The following PDE11A variants were observed in gnomAD, a reference collection of about 807,000 sequenced individuals.
PDE11A encodes phosphodiesterase 11A.
PDE11A carries 100 observed loss-of-function variants against 100.5 expected under a neutral mutation model. That is an observed-to-expected ratio of 1.00 (90% CI 0.85 to 1.18). The LOEUF (loss-of-function observed/expected upper bound fraction) is 1.18, where lower values mean the gene tolerates loss of function less well. Among genes scored for constraint, PDE11A ranks in the 50% most tolerant of loss-of-function variants. PDE11A has a pLI of 0.00. For missense variants in PDE11A, 1,141 were observed against 1,152.6 expected (o/e 0.99, Z 0.15); for synonymous variants, 381 against 420.8 (o/e 0.91, Z 1.16).
chr2:177,673,510 C>T (rs932954453), intron 17 of PDE11A, among the ~76,000 whole-genome samples: 2 of 152,226 alleles, frequency 1.3e-5, no homozygotes, highest in South Asian at 2.1e-4. Flanking sequence ...CTTCCCTTTC[C>T]GAATGGGAGT....
rs549731107 is a variant in PDE11A at position 177,711,835 on chromosome 2, G to A, written c.2087C>T (p.Ala696Val). 1.9e-5 allele frequency: 31 copies of A among 1,612,626 alleles called. No individual in the cohort carries two copies. The highest frequency in any genetic ancestry group is 6.7e-5 in the African/African-American group (5 of 74,884). ...QDILTEVEIL[A>V]VIVGCLCHDL... ...ATGACACAGGCATCCCACAATCACC[G>A]CTAAAATTTCCACCTCGGTCAGAAT... The change falls in exon 13 of 20, where the codon GCG (alanine) becomes GTG (valine). Residue 696 changes from alanine to valine, a missense_variant. By Grantham distance (64) the Ala-to-Val change is moderately conservative. Coordinates refer to ENST00000286063, the MANE Select transcript of PDE11A (RefSeq NM_016953.4).
At chr2:177,750,273 A>T (rs1393981811) in intron 10 of PDE11A, among the ~76,000 whole-genome samples, 2 of 152,228 alleles carry the variant, frequency 1.3e-5, no homozygotes, top group Admixed American at 1.3e-4. Flanking sequence ...AACTCAAAAC[A>T]GCAACAAATT....
At chr2:177,749,367 G>T (rs927390734) in intron 10 of PDE11A, among the ~76,000 whole-genome samples, 1 of 152,142 alleles carries the variant, frequency 6.6e-6, no homozygotes, top group South Asian at 2.1e-4. Flanking sequence ...ATGAGCCACT[G>T]TAGGAGCTAA....
At chr2:177,701,775 A>C (rs2081200894) in intron 13 of PDE11A, among the ~76,000 whole-genome samples, 1 of 152,204 alleles carries the variant, frequency 6.6e-6, no homozygotes, top group Non-Finnish European at 1.5e-5. Context: ...TCTACTCTAC[A>C]TGAAAGGCTG....
rs777971390 is a variant in PDE11A, at chr2:177,727,670, G to A, written c.2031C>T (p.Phe677=). The stretch of plus-strand genomic sequence containing the variant: ...TAAGCACACTTACGGTTAACATCGC[G>A]AACATCAGCTGACACACGTTGAAGG... ...RHAFNVCQLM[F]AMLTTAGFQD... is the part of the protein sequence containing the mutation. The change falls in exon 12 of 20, where the codon TTC becomes TTT. Residue 677 remains phenylalanine (F), a synonymous_variant. Coordinates refer to ENST00000286063, the MANE Select transcript of PDE11A (RefSeq NM_016953.4). 3.8e-6 allele frequency: 6 copies of A among 1,591,338 alleles called. No individual in the cohort carries two copies. In the African/African-American group the frequency reaches 4.0e-5, roughly 11 times the overall value.
At chr2:177,680,932 G>GAA (rs11304036) in intron 15 of PDE11A, 29 bp from the exon 16 acceptor site, 80 of 1,108,690 alleles carry the variant, frequency 7.2e-5, no homozygotes, top group Middle Eastern at 2.1e-4. Context: ...AAGAAAGAAA[G>GAA]AAAAAAAAAA....
chr2:178,101,445 A>G (rs1470125327), intron 2 of PDE11A, among the ~76,000 whole-genome samples: 2 of 152,194 alleles, frequency 1.3e-5, no homozygotes, highest in Admixed American at 6.5e-5. Context: ...GAAAGTGTCT[A>G]AAGTTTTTAA....
At chr2:178,105,858 C>CA (rs35828567) in intron 1 of PDE11A, 1,475 of 268,822 alleles carry the variant, frequency 5.5e-3, no homozygotes, top group Middle Eastern at 0.013. Context: ...GGTTTCTGTC[C>CA]AAAAAAAAAA....
intron 4 of PDE11A, among the ~76,000 whole-genome samples, chr2:177,878,354 C>A (rs933433773): frequency 1.3e-5 from 2 of 152,136 alleles, no homozygotes; most frequent in Admixed American, 1.3e-4. Flanking sequence ...CGGTGGGCTT[C>A]TGAAAGCTTC....
At chr2:177,819,714 T>C (rs1288248062) in intron 7 of PDE11A, among the ~76,000 whole-genome samples, 1 of 152,014 alleles carries the variant, frequency 6.6e-6, no homozygotes, top group Non-Finnish European at 1.5e-5. Context: ...ATTTCTTCCT[T>C]TGCCTTTACA....
chr2:177,840,730 C>G (rs2083478307), intron 5 of PDE11A, among the ~76,000 whole-genome samples: 1 of 152,106 alleles, frequency 6.6e-6, no homozygotes, highest in Non-Finnish European at 1.5e-5. Flanking sequence ...CCAGCTTGCC[C>G]TTTTTAATTG....
Position 177,728,049 on chromosome 2 carries a change from G to A in PDE11A, c.1912C>T (p.Gln638Ter), listed in dbSNP as rs777469299. ...ACCTCATAGTCAATTTTAAATTTCTGTACCATCCCCAGCTCCATGAACATC... is the reference window on the plus strand; with the variant it reads ...ACCTCATAGTCAATTTTAAATTTCTATACCATCCCCAGCTCCATGAACATC... Reference protein sequence around the residue: ...LRMFMELGMVQKFKIDYETLC... With the variant: ...LRMFMELGMV Residue 638 changes from glutamine (Q) to a stop codon, truncating the protein, a stop_gained, in exon 11 of 20, where the codon CAG becomes TAG. Coordinates refer to ENST00000286063, the MANE Select transcript of PDE11A (RefSeq NM_016953.4). LOFTEE classifies it high-confidence loss of function. 3.7e-6 allele frequency: 6 copies of A among 1,613,236 alleles called. No individual in the cohort carries two copies. The Admixed American group carries it at 1.0e-4, about 27-fold the overall frequency.
chr2:177,972,820 C>T (rs1418632720), intron 2 of PDE11A, among the ~76,000 whole-genome samples: 1 of 152,122 alleles, frequency 6.6e-6, no homozygotes, highest in Non-Finnish European at 1.5e-5. Flanking sequence ...ACCAATGAGC[C>T]AGTTACCAAA....
At chr2:177,739,175 T>C (rs753110269) in intron 10 of PDE11A, among the ~76,000 whole-genome samples, 21 of 152,192 alleles carry the variant, frequency 1.4e-4, no homozygotes, top group Non-Finnish European at 3.1e-4. Flanking sequence ...TTCCTGTTTT[T>C]ATCGTTTTGT....
chr2:177,900,946 C>T (rs1189828776), intron 3 of PDE11A, among the ~76,000 whole-genome samples: 1 of 152,118 alleles, frequency 6.6e-6, no homozygotes, highest in Non-Finnish European at 1.5e-5. Flanking sequence ...CCAAACTGTC[C>T]TTGTTCATTT....
chr2:178,017,600 G>A (rs1329754957), intron 1 of PDE11A, among the ~76,000 whole-genome samples: 3 of 152,080 alleles, frequency 2.0e-5, no homozygotes. Context: ...AGGAAGGAAG[G>A]AAGTGGCATC....
chr2:177,727,884 C>T (rs2081623088), intron 11 of PDE11A, 119 bp from the exon 12 acceptor site: 1 of 979,438 alleles, frequency 1.0e-6, no homozygotes, highest in Non-Finnish European at 1.6e-6. Flanking sequence ...ACAAACATCT[C>T]TTCTGGTTCT....
Position 178,072,674 on chromosome 2 carries a change from A to G in PDE11A, c.-237T>C, listed in dbSNP as rs2087153219. On this transcript the variant is annotated 5_prime_UTR_variant, in exon 1 of 20. Transcript: ENST00000286063. ...CTACTCCTGCTCCGCACAGGTGCCCAGCACTGAGCTGCCGCCGCTGCCCCG... is the reference window on the plus strand; with the variant it reads ...CTACTCCTGCTCCGCACAGGTGCCCGGCACTGAGCTGCCGCCGCTGCCCCG... 1 of 1,425,562 alleles carries G rather than the reference A, an allele frequency of 7.0e-7. No individual in the cohort carries two copies. 88.3% of individuals were successfully genotyped at this position (1,425,562 alleles called of 1,614,324 possible).
intron 10 of PDE11A, among the ~76,000 whole-genome samples, chr2:177,764,130 T>A (rs1228355289): frequency 6.6e-6 from 1 of 152,246 alleles, no homozygotes; most frequent in Non-Finnish European, 1.5e-5. Flanking sequence ...TAAGATCCTA[T>A]TTTTGATGCA....
Sources: allele counts gnomAD v4.1 joint callset (sites outside exome capture counted in the v4.1 genomes callset), GRCh38; gene constraint gnomAD v4.1.1; transcripts MANE v1.5; gene names NCBI Gene and HGNC (gene_info 2026-07-23, HGNC 2026-07-21).